Variants in TENM1 observed in about 807,000 individuals in gnomAD.
TENM1 encodes teneurin-1.
In TENM1, 35 loss-of-function variants were observed where a neutral mutation model predicts 174.8. The ratio of observed to expected loss-of-function variants is 0.20; its 90% CI spans 0.15 to 0.27. The LOEUF (loss-of-function observed/expected upper bound fraction) is 0.27. Ranked by LOEUF, TENM1 falls within the 10% of genes least tolerant of loss-of-function variation. The probability of loss-of-function intolerance (pLI) is 1.00; values close to 1 mark genes in which losing one functional copy is unlikely to be tolerated. For synonymous variants in TENM1, 781 were observed against 798.7 expected (o/e 0.98, Z 0.37); for missense variants, 1,633 against 2,130.1 (o/e 0.77, Z 4.59).
intron 11 of TENM1, among the ~76,000 whole-genome samples, chrX:124,632,207 G>A (rs1460813079): frequency 9.1e-6 from 1 of 109,896 alleles, no homozygotes; most frequent in Admixed American, 9.8e-5. Flanking sequence ...CACCACGCCC[G>A]GCCCATACTG....
chrX:124,961,827 A>G lies in TENM1; in HGVS notation c.217+1710T>C, dbSNP rs745587463. 2.1e-4 allele frequency among the ~76,000 whole-genome samples: 23 copies of G among 111,236 alleles called. No individual in the cohort carries two copies. The South Asian group carries it at 8.8e-3, about 43-fold the overall frequency. The stretch of plus-strand genomic sequence containing the variant: ...AGAGATAGCAGCAAATTGTATCCCA[A>G]GAAAGATGTAACAGCACAGCAAAGG... On this transcript the variant is annotated intron_variant, in intron 1 of 31. Coordinates refer to ENST00000422452, the Ensembl canonical transcript of TENM1.
chrX:125,060,146 GCTCT>G, the TENM1 span, among the ~76,000 whole-genome samples: 2 of 95,275 alleles, frequency 2.1e-5, no homozygotes, highest in Non-Finnish European at 4.2e-5. Flanking sequence ...CCCAACTTTC[GCTCT>G]CTCTCTCTCC....
intron 11 of TENM1, among the ~76,000 whole-genome samples, chrX:124,614,074 G>A (rs754793934): frequency 9.0e-6 from 1 of 111,476 alleles, no homozygotes; most frequent in Admixed American, 9.5e-5. Context: ...ACTGTTTTCT[G>A]GGGGGGTTGG....
chrX:125,081,387 A>G, the TENM1 span, among the ~76,000 whole-genome samples: 1 of 111,104 alleles, frequency 9.0e-6, no homozygotes, highest in Admixed American at 9.6e-5. Flanking sequence ...ACTTGGTTAT[A>G]GTATAGGCAT....
intron 29 of TENM1, among the ~76,000 whole-genome samples, chrX:124,385,304 A>T (rs984315500): frequency 8.9e-6 from 1 of 112,197 alleles, no homozygotes; most frequent in East Asian, 2.8e-4. Flanking sequence ...ACTTGTGAAG[A>T]TATTTTGTCA....
intron 3 of TENM1, among the ~76,000 whole-genome samples, chrX:124,857,550 G>T (rs1365539683): frequency 9.0e-6 from 1 of 111,636 alleles, no homozygotes; most frequent in Non-Finnish European, 1.9e-5. Flanking sequence ...AATCTGTAGA[G>T]ACAAAATGTA....
intron 3 of TENM1, among the ~76,000 whole-genome samples, chrX:124,891,749 C>T (rs900429925): frequency 1.8e-5 from 2 of 111,460 alleles, no homozygotes; most frequent in African/African-American, 3.3e-5. Context: ...ATTAGATCAC[C>T]TGTCAGAGAC....
At chrX:124,929,145 C>T (rs900037762) in intron 1 of TENM1, among the ~76,000 whole-genome samples, 1 of 111,529 alleles carries the variant, frequency 9.0e-6, no homozygotes, top group Non-Finnish European at 1.9e-5. Context: ...CTGTCTTATG[C>T]GTTATAGGAT....
At chrX:124,947,396 T>A (rs2058419423) in intron 1 of TENM1, among the ~76,000 whole-genome samples, 2 of 112,187 alleles carry the variant, frequency 1.8e-5, no homozygotes, top group Non-Finnish European at 1.9e-5. Flanking sequence ...ATTAAGGGCA[T>A]GATACTTAGT....
intron 3 of TENM1, among the ~76,000 whole-genome samples, chrX:124,889,958 C>T (rs2057448901): frequency 9.0e-6 from 1 of 111,423 alleles, no homozygotes; most frequent in South Asian, 3.8e-4. Context: ...ACGGTAAATT[C>T]CTTGACATTG....
Position 124,511,593 on chromosome X carries a change from C to T in TENM1, c.3302-7890G>A, listed in dbSNP as rs143763846. Among the ~76,000 whole-genome samples the T allele has an allele frequency of 2.0e-3, 225 of 111,708 alleles. 1 individual carries two copies. The highest frequency in any genetic ancestry group is 4.6e-3 in the Middle Eastern group (1 of 218). On this transcript the variant is annotated intron_variant, in intron 18 of 31. Transcript: ENST00000422452. ...TTCTGACCCTCAGTTTCCCCCTCTG[C>T]AACATGAAGATCATGCTAATTCTGC...
At chrX:124,434,301 C>CT (rs2060810991) in intron 23 of TENM1, among the ~76,000 whole-genome samples, 1 of 111,514 alleles carries the variant, frequency 9.0e-6, no homozygotes, top group Non-Finnish European at 1.9e-5. Flanking sequence ...GTGAAAGACA[C>CT]CACTCTATTA....
intron 3 of TENM1, among the ~76,000 whole-genome samples, chrX:124,869,218 G>GC (rs2057064035): frequency 9.1e-6 from 1 of 109,993 alleles, no homozygotes; most frequent in African/African-American, 3.3e-5. Flanking sequence ...GGGCCACAGA[G>GC]CGAGACCCTG....
chrX:125,051,084 C>T, the TENM1 span, among the ~76,000 whole-genome samples: 4 of 111,468 alleles, frequency 3.6e-5, no homozygotes, highest in Admixed American at 2.9e-4. Context: ...TGAGTGAACT[C>T]CCATTCACAA....
chrX:124,553,624 A>T (rs373104820), intron 14 of TENM1, among the ~76,000 whole-genome samples: 1 of 75,116 alleles, frequency 1.3e-5, no homozygotes, highest in African/African-American at 6.8e-5. Flanking sequence ...TCTTGCCTTT[A>T]AAAAAAAAAA....
chrX:124,752,536 C>A (rs1377614748), intron 3 of TENM1, among the ~76,000 whole-genome samples: 1 of 111,751 alleles, frequency 8.9e-6, no homozygotes, highest in South Asian at 3.8e-4. Flanking sequence ...GTTGCCATTG[C>A]TTTTGGTGTT....
chrX:125,150,612 TAC>T, the TENM1 span, among the ~76,000 whole-genome samples: 1 of 112,328 alleles, frequency 8.9e-6, no homozygotes, highest in African/African-American at 3.2e-5. Flanking sequence ...AAAATAAAAT[TAC>T]AGTCTTCTGT....
chrX:124,425,331 G>A (rs1407094194), intron 23 of TENM1, among the ~76,000 whole-genome samples: 1 of 112,241 alleles, frequency 8.9e-6, no homozygotes, highest in Non-Finnish European at 1.9e-5. Flanking sequence ...CAACTCACCA[G>A]CATTTTTTTT....
At chrX:125,154,660 G>A in the TENM1 span, among the ~76,000 whole-genome samples, 1 of 111,096 alleles carries the variant, frequency 9.0e-6, no homozygotes, top group Non-Finnish European at 1.9e-5. Flanking sequence ...ACGGACCCTC[G>A]CGGTGAGTGT....
Sources: allele counts gnomAD v4.1 joint callset (sites outside exome capture counted in the v4.1 genomes callset), GRCh38; gene constraint gnomAD v4.1.1; transcripts MANE v1.5; gene names NCBI Gene and HGNC (gene_info 2026-07-23, HGNC 2026-07-21).